RBFOX3: variants seen among roughly 807,000 people sequenced by gnomAD.
The protein encoded by RBFOX3 is RNA binding fox-1 homolog 3.
RBFOX3 carries 17 observed loss-of-function variants against 48.7 expected under a neutral mutation model. The observed-to-expected ratio is 0.35, with a 90% confidence interval of 0.24 to 0.52. The LOEUF (loss-of-function observed/expected upper bound fraction) is 0.52. Among genes scored for constraint, RBFOX3 ranks in the 20% least tolerant of loss-of-function variants. The pLI is 0.94. For synonymous variants in RBFOX3, 212 were observed against 209.5 expected, an observed-to-expected ratio of 1.01 and a Z score of -0.10; for missense variants, 382 against 497.5, an observed-to-expected ratio of 0.77 and a Z score of 2.21.
rs112427006 is a variant in RBFOX3 at position 79,195,198 on chromosome 17, C to A, written c.-34+40568G>T. On this transcript the variant is annotated intron_variant, in intron 4 of 14. Transcript: ENST00000693108. This position sits in a 1 kb window ranked among gnomAD's most constrained non-coding sequence, Gnocchi z 5.3. ...ATCACCTGAGGTCAGGAGTTCGAGACCAGCCTGGTCAACATGGTGAAACCC... is the reference window on the plus strand; with the variant it reads ...ATCACCTGAGGTCAGGAGTTCGAGAACAGCCTGGTCAACATGGTGAAACCC... 1.3e-5 allele frequency among the ~76,000 whole-genome samples: 2 copies of A among 152,190 alleles called. No individual in the cohort carries two copies. Among genetic ancestry groups the A allele is most frequent in the Admixed American group, 6.5e-5 (1 of 15,296 alleles).
At chr17:79,435,386 G>A (rs2148931170) in intron 2 of RBFOX3, among the ~76,000 whole-genome samples, 1 of 152,330 alleles carries the variant, frequency 6.6e-6, no homozygotes, top group Middle Eastern at 3.4e-3. Context: ...CCCCACATGT[G>A]GCTGTCCACA....
chr17:79,264,058 C>CCTAGAG (rs1268308064), intron 3 of RBFOX3, among the ~76,000 whole-genome samples: 47 of 151,468 alleles, frequency 3.1e-4, no homozygotes, highest in African/African-American at 1.1e-3. Flanking sequence ...AGGACCCTTC[C>CCTAGAG]CTAGAGCTTT....
chr17:79,393,929 C>T (rs939920827), intron 2 of RBFOX3, among the ~76,000 whole-genome samples: 1 of 110,038 alleles, frequency 9.1e-6, no homozygotes, highest in African/African-American at 3.1e-5. Flanking sequence ...ACATCTGAGC[C>T]GGTCATCATA....
intron 2 of RBFOX3, among the ~76,000 whole-genome samples, chr17:79,350,219 G>C (rs2083643383): frequency 6.6e-6 from 1 of 152,144 alleles, no homozygotes; most frequent in African/African-American, 2.4e-5. Context: ...AGGCAGTTCT[G>C]ACAGTGGCCG....
At chr17:79,190,569 C>CT (rs139579498) in intron 4 of RBFOX3, among the ~76,000 whole-genome samples, 1 of 152,062 alleles carries the variant, frequency 6.6e-6, no homozygotes, top group Non-Finnish European at 1.5e-5. Flanking sequence ...CACGTGCTCT[C>CT]TTTTTTTTCC....
At chr17:79,650,199 G>A in the RBFOX3 span, among the ~76,000 whole-genome samples, 137 of 152,260 alleles carry the variant, frequency 9.0e-4, 2 homozygotes, top group South Asian at 0.016. Flanking sequence ...CAACTAAACT[G>A]GGGGGATTCG....
intron 4 of RBFOX3, among the ~76,000 whole-genome samples, chr17:79,120,769 G>C (rs11657321): frequency 0.16 from 24,700 of 150,838 alleles, 2,297 homozygotes; most frequent in Middle Eastern, 0.23. Flanking sequence ...TAGATGGGTG[G>C]ATGGATAGAC....
intron 4 of RBFOX3, among the ~76,000 whole-genome samples, chr17:79,143,248 C>G (rs1172009589): frequency 6.6e-6 from 1 of 152,140 alleles, no homozygotes; most frequent in African/African-American, 2.4e-5. Flanking sequence ...CCCGAGTCCA[C>G]CCCGTTCTCT....
chr17:79,139,621 G>A (rs1330150841), intron 4 of RBFOX3, among the ~76,000 whole-genome samples: 1 of 152,248 alleles, frequency 6.6e-6, no homozygotes, highest in Non-Finnish European at 1.5e-5. Context: ...CTGCCGGCCA[G>A]ACTCTCCTGT....
intron 1 of RBFOX3, among the ~76,000 whole-genome samples, chr17:79,545,499 C>T (rs1158902265): frequency 1.3e-5 from 2 of 152,224 alleles, no homozygotes; most frequent in African/African-American, 4.8e-5. Context: ...ACCTTGGCAA[C>T]ACTCAGCCTC....
At chr17:79,251,384 T>C (rs1366884012) in intron 3 of RBFOX3, among the ~76,000 whole-genome samples, 1 of 152,272 alleles carries the variant, frequency 6.6e-6, no homozygotes, top group South Asian at 2.1e-4. Flanking sequence ...GTATAGTCAA[T>C]GGCACTAAAG....
intron 4 of RBFOX3, among the ~76,000 whole-genome samples, chr17:79,162,202 A>T (rs2047117892): frequency 6.6e-6 from 1 of 152,210 alleles, no homozygotes; most frequent in Non-Finnish European, 1.5e-5. Context: ...AAGGGAATTG[A>T]ATTTCCCTTT....
At position 79,455,896 on chromosome 17, in the gene RBFOX3, T is replaced by C. The variant is rs545687254; in HGVS notation, c.-175+26558A>G. Among the ~76,000 whole-genome samples, 51 of 152,304 alleles carry C rather than the reference T, an allele frequency of 3.3e-4. 1 individual carries two copies. In the South Asian group the frequency reaches 8.3e-3, roughly 25 times the overall value. ...CAGGTGTCCAGTGCTACGTGGCGTC[T>C]GCCTCTCTCGGACATTGCACTAACC... is the stretch of plus-strand genomic sequence containing the variant. On this transcript the variant is annotated intron_variant, in intron 2 of 14. Coordinates refer to ENST00000693108, the MANE Select transcript of RBFOX3 (RefSeq NM_001350451.2).
intron 4 of RBFOX3, among the ~76,000 whole-genome samples, chr17:79,159,335 C>T (rs2046467915): frequency 6.6e-6 from 1 of 152,218 alleles, no homozygotes; most frequent in Non-Finnish European, 1.5e-5. Context: ...ATTCTATAGC[C>T]GGAGATGGAG....
the RBFOX3 span, among the ~76,000 whole-genome samples, chr17:79,662,734 T>C: frequency 6.6e-6 from 1 of 152,192 alleles, no homozygotes; most frequent in Non-Finnish European, 1.5e-5. Flanking sequence ...TGCAATTATG[T>C]AGAAACCCAA....
chr17:79,558,766 G>A (rs1368663831), intron 1 of RBFOX3, among the ~76,000 whole-genome samples: 1 of 152,202 alleles, frequency 6.6e-6, no homozygotes, highest in Admixed American at 6.5e-5. Flanking sequence ...TGGGCCTGCG[G>A]GGAGCAGGAG....
chr17:79,384,973 A>T (rs1490200377), intron 2 of RBFOX3, among the ~76,000 whole-genome samples: 1 of 152,252 alleles, frequency 6.6e-6, no homozygotes, highest in African/African-American at 2.4e-5. Context: ...GAGGCCCAGA[A>T]GGTCCCTGGA....
In RBFOX3 at chr17:79,392,207, C is replaced by G. The variant is rs1385971816; in HGVS notation, c.-174-84383G>C. ...TGGGGCAGCCTCCTCACCCCCGTCT[C>G]TTTTCTCAGTGGTTAGTTATGCCAA... On this transcript the variant is annotated intron_variant, in intron 2 of 14. Coordinates refer to ENST00000693108, the MANE Select transcript of RBFOX3 (RefSeq NM_001350451.2). This position sits in a 1 kb window ranked among gnomAD's most constrained non-coding sequence, Gnocchi z 5.0. 7.9e-5 allele frequency among the ~76,000 whole-genome samples: 12 copies of G among 152,328 alleles called. No individual in the cohort carries two copies. The highest frequency in any genetic ancestry group is 7.2e-4 in the Admixed American group (11 of 15,310).
intron 1 of RBFOX3, among the ~76,000 whole-genome samples, chr17:79,548,933 A>C (rs2090846145): frequency 6.6e-6 from 1 of 152,264 alleles, no homozygotes; most frequent in African/African-American, 2.4e-5. Context: ...TTGTTGCAGT[A>C]ACAAATCCAT....
Sources: allele counts gnomAD v4.1 joint callset (sites outside exome capture counted in the v4.1 genomes callset), GRCh38; gene constraint gnomAD v4.1.1; non-coding constraint Gnocchi (gnomAD v3.1); transcripts MANE v1.5; gene names NCBI Gene and HGNC (gene_info 2026-07-23, HGNC 2026-07-21).